The following PRUNE2 variants were observed in gnomAD, a reference collection of about 807,000 sequenced individuals.
The protein encoded by PRUNE2 is prune homolog 2 with BCH domain, also known as protein prune homolog 2.
PRUNE2 carries 164 observed loss-of-function variants against 252.0 expected under a neutral mutation model. The observed-to-expected ratio is 0.65, with a 90% CI of 0.57 to 0.74. PRUNE2 has a LOEUF of 0.74. Ranked by LOEUF, PRUNE2 falls within the 30% of genes least tolerant of loss-of-function variation. The pLI is 0.00. For synonymous variants in PRUNE2, 1,292 were observed against 1,350.2 expected, an observed-to-expected ratio of 0.96 and a Z score of 0.94; for missense variants, 3,495 against 3,711.0, an observed-to-expected ratio of 0.94 and a Z score of 1.51.
chr9:76,845,000 TAAAAAA>T (rs55754002), intron 4 of PRUNE2, among the ~76,000 whole-genome samples: 17 of 60,750 alleles, frequency 2.8e-4, no homozygotes, highest in South Asian at 8.6e-4. Flanking sequence ...CCCCCTCTCT[TAAAAAA>T]AAAAAAAAAA....
intron 6 of PRUNE2, among the ~76,000 whole-genome samples, chr9:76,801,656 G>T (rs577608376): frequency 6.6e-6 from 1 of 152,024 alleles, no homozygotes; most frequent in African/African-American, 2.4e-5. Flanking sequence ...CTCTGGTAGC[G>T]ACTACCTTGT....
intron 6 of PRUNE2, among the ~76,000 whole-genome samples, chr9:76,780,883 C>A (rs909826884): frequency 9.9e-5 from 15 of 152,182 alleles, no homozygotes; most frequent in African/African-American, 3.6e-4. Flanking sequence ...GGCTACGCTG[C>A]AACCTAGGGT....
intron 16 of PRUNE2, among the ~76,000 whole-genome samples, chr9:76,627,298 G>GA (rs1564362465): frequency 3.9e-5 from 5 of 128,930 alleles, no homozygotes; most frequent in Admixed American, 8.9e-5. Context: ...AGATGGGGTG[G>GA]CGGGGGGCTC....
intron 6 of PRUNE2, among the ~76,000 whole-genome samples, chr9:76,765,597 TATCTATCCATCC>T (rs1212744335): frequency 6.6e-6 from 1 of 152,180 alleles, no homozygotes; most frequent in Non-Finnish European, 1.5e-5. Context: ...ATGAGTAAAC[TATCTATCCATCC>T]ATCTATCCAT....
intron 14 of PRUNE2, among the ~76,000 whole-genome samples, chr9:76,637,009 G>GTGTGTGTGTGTGTGTATA (rs1554779750): frequency 6.7e-6 from 1 of 150,288 alleles, no homozygotes; most frequent in African/African-American, 2.5e-5. Flanking sequence ...GTGTGTGTGT[G>GTGTGTGTGTGTGTGTATA]TATAATTTTA....
At chr9:76,657,117 T>C (rs1429415314) in intron 9 of PRUNE2, among the ~76,000 whole-genome samples, 6 of 152,234 alleles carry the variant, frequency 3.9e-5, no homozygotes, top group Non-Finnish European at 8.8e-5. Flanking sequence ...TATCCCATGA[T>C]CCTGCAGTTT....
intron 1 of PRUNE2, among the ~76,000 whole-genome samples, chr9:76,864,318 G>A (rs1322745436): frequency 6.6e-6 from 1 of 152,148 alleles, no homozygotes; most frequent in Non-Finnish European, 1.5e-5. Context: ...GAAGGAGGGT[G>A]TAGGCTGAAA....
intron 15 of PRUNE2, among the ~76,000 whole-genome samples, 153 bp downstream of exon 15, chr9:76,636,318 G>A (rs1840045500): frequency 6.6e-6 from 1 of 152,092 alleles, no homozygotes; most frequent in South Asian, 2.1e-4. Flanking sequence ...CGGGATTCTT[G>A]ATGAATAGTC....
intron 9 of PRUNE2, chr9:76,692,117 A>T: frequency 1.4e-6 from 1 of 717,474 alleles, no homozygotes; most frequent in Non-Finnish European, 2.6e-6. Context: ...GGTGAGAAGG[A>T]TGCACGACTA....
At chr9:76,630,806 G>A (rs573592543) in intron 15 of PRUNE2, among the ~76,000 whole-genome samples, 26 of 152,342 alleles carry the variant, frequency 1.7e-4, no homozygotes, top group Non-Finnish European at 2.9e-4. Flanking sequence ...GATTACAGGC[G>A]TAAGCCTCTG....
At chr9:76,670,541 G>T (rs995291260) in intron 9 of PRUNE2, among the ~76,000 whole-genome samples, 5 of 152,002 alleles carry the variant, frequency 3.3e-5, no homozygotes, top group Non-Finnish European at 5.9e-5. Context: ...GAACTGGGTG[G>T]AGCCCACCAC....
At chr9:76,806,716 C>T (rs1367703091) in intron 6 of PRUNE2, among the ~76,000 whole-genome samples, 3 of 144,170 alleles carry the variant, frequency 2.1e-5, no homozygotes, top group Non-Finnish European at 4.5e-5. Flanking sequence ...GACAGGGTTT[C>T]ACCGTGTTAG....
At chr9:76,772,565 TTTTC>T (rs2053233005) in intron 6 of PRUNE2, among the ~76,000 whole-genome samples, 1 of 152,110 alleles carries the variant, frequency 6.6e-6, no homozygotes, top group African/African-American at 2.4e-5. Flanking sequence ...TGGTAAATTA[TTTTC>T]TTTCTTTTTT....
At chr9:76,850,059 T>C (rs1358462312) in intron 3 of PRUNE2, among the ~76,000 whole-genome samples, 1 of 152,080 alleles carries the variant, frequency 6.6e-6, no homozygotes, top group South Asian at 2.1e-4. Flanking sequence ...GTTTGTTTGT[T>C]GTTTTTTTTG....
At chr9:76,873,425 AG>A (rs1185927728) in intron 1 of PRUNE2, among the ~76,000 whole-genome samples, 1 of 152,218 alleles carries the variant, frequency 6.6e-6, no homozygotes, top group African/African-American at 2.4e-5. Flanking sequence ...ACCACCCAAA[AG>A]TGCCAAAGTA....
intron 1 of PRUNE2, among the ~76,000 whole-genome samples, chr9:76,903,707 C>T (rs2063316715): frequency 6.6e-6 from 1 of 152,122 alleles, no homozygotes; most frequent in Non-Finnish European, 1.5e-5. Flanking sequence ...CCTGCCTCTG[C>T]CCCCCTAGTA....
At chr9:76,887,278 A>G (rs538702210) in intron 1 of PRUNE2, among the ~76,000 whole-genome samples, 5 of 152,078 alleles carry the variant, frequency 3.3e-5, no homozygotes, top group African/African-American at 1.2e-4. Context: ...GAGATGACTA[A>G]ATAGCTACTG....
At chr9:76,641,080 G>T (rs1842385294) in intron 12 of PRUNE2, among the ~76,000 whole-genome samples, 1 of 152,170 alleles carries the variant, frequency 6.6e-6, no homozygotes, top group Admixed American at 6.5e-5. Context: ...TCTGCCCTTG[G>T]AATGTTGCAG....
At chr9:76,811,302 G>A (rs188028086) in intron 6 of PRUNE2, among the ~76,000 whole-genome samples, 2 of 152,186 alleles carry the variant, frequency 1.3e-5, no homozygotes, top group African/African-American at 4.8e-5. Flanking sequence ...GTGCTATGAA[G>A]AAAGTTCCAA....
Sources: allele counts gnomAD v4.1 joint callset (sites outside exome capture counted in the v4.1 genomes callset), GRCh38; gene constraint gnomAD v4.1.1; transcripts MANE v1.5; gene names NCBI Gene and HGNC (gene_info 2026-07-23, HGNC 2026-07-21).